Variants in UGT1A7 observed in about 807,000 individuals in gnomAD.
UGT1A7 encodes UDP-glucuronosyltransferase 1A7.
In UGT1A7, 33 loss-of-function variants were observed where a neutral mutation model predicts 45.6. That is an observed-to-expected ratio of 0.72 (90% CI 0.55 to 0.97). The LOEUF (loss-of-function observed/expected upper bound fraction) is 0.97. Ranked by LOEUF, UGT1A7 falls within the 50% of genes least tolerant of loss-of-function variation. The pLI, the probability that UGT1A7 is intolerant of heterozygous loss-of-function variation, is 0.00. For synonymous variants in UGT1A7, 274 were observed against 250.6 expected, an observed-to-expected ratio of 1.09 and a Z score of -0.88; for missense variants, 684 against 666.2, an observed-to-expected ratio of 1.03 and a Z score of -0.29.
At chr2:233,682,872 C>G (rs1348712274) in intron 1 of UGT1A7, 80 bp downstream of exon 1, 5 of 1,521,250 alleles carry the variant, frequency 3.3e-6, no homozygotes, top group Non-Finnish European at 4.4e-6. Flanking sequence ...CATAATTTAT[C>G]ATTTACATTT....
At chr2:233,719,251 C>A in intron 1 of UGT1A7, 1 of 1,614,174 alleles carries the variant, frequency 6.2e-7, no homozygotes, top group Non-Finnish European at 8.5e-7. Flanking sequence ...CTGAATGCTA[C>A]TTCCTTTGAT....
intron 1 of UGT1A7, among the ~76,000 whole-genome samples, chr2:233,733,322 C>A (rs1174900134): frequency 6.6e-6 from 1 of 152,146 alleles, no homozygotes; most frequent in African/African-American, 2.4e-5. Context: ...CCTGATTGCC[C>A]TGGCCAGAAC....
chr2:233,745,312 T>A (rs1693068284), intron 1 of UGT1A7, among the ~76,000 whole-genome samples: 1 of 151,876 alleles, frequency 6.6e-6, no homozygotes, highest in South Asian at 2.1e-4. Flanking sequence ...AGTGATTATT[T>A]CCACTAGAAC....
chr2:233,714,409 CTG>C (rs2076385433), intron 1 of UGT1A7, among the ~76,000 whole-genome samples: 1 of 152,130 alleles, frequency 6.6e-6, no homozygotes, highest in Non-Finnish European at 1.5e-5. Context: ...CAATGGATGT[CTG>C]TGATCAGAGA....
At chr2:233,752,366 A>C (rs1575711623) in intron 1 of UGT1A7, 1 of 152,202 alleles carries the variant, frequency 6.6e-6, no homozygotes, top group Non-Finnish European at 1.5e-5. Context: ...TAGGGGTCTC[A>C]AGAGGGTCAT....
At chr2:233,704,215 T>C (rs946162236) in intron 1 of UGT1A7, among the ~76,000 whole-genome samples, 1 of 151,050 alleles carries the variant, frequency 6.6e-6, no homozygotes, top group African/African-American at 2.4e-5. Flanking sequence ...ATGCTCTATA[T>C]CTCTCATGTA....
intron 1 of UGT1A7, among the ~76,000 whole-genome samples, chr2:233,735,380 C>T (rs2078647090): frequency 1.3e-5 from 2 of 152,070 alleles, no homozygotes; most frequent in Middle Eastern, 3.2e-3. Context: ...TTCCTCCATC[C>T]CTTTATTTTG....
At chr2:233,758,038 C>G (rs1696781117) in intron 1 of UGT1A7, among the ~76,000 whole-genome samples, 1 of 152,188 alleles carries the variant, frequency 6.6e-6, no homozygotes, top group Admixed American at 6.5e-5. Flanking sequence ...CCCCTCCTTT[C>G]AGGCAAGGAC....
rs34757826 is a variant in UGT1A7, at chr2:233,757,460, G to C, written c.856-9574G>C. 9.5e-3 allele frequency among the ~76,000 whole-genome samples: 1,419 copies of C among 149,430 alleles called. 20 individuals carry two copies. The highest frequency in any genetic ancestry group is 0.033 in the African/African-American group (1,351 of 40,382). On this transcript the variant is annotated intron_variant, in intron 1 of 4. Coordinates refer to ENST00000373426, the MANE Select transcript of UGT1A7 (RefSeq NM_019077.3). ...TTCTATACAGAAACATGTCCAGAGC[G>C]CTTACTGTCTCCAAAACCATGGACT... is the stretch of plus-strand genomic sequence containing the variant.
In UGT1A7 at chr2:233,756,630, T is replaced by C. The variant is rs563087338; in HGVS notation, c.856-10404T>C. On this transcript the variant is annotated intron_variant, in intron 1 of 4. Transcript: ENST00000373426. ...CATTAAGACTTGCAGGCCGTGTGTA[T>C]AGCACTGGGGATAAACATGGGATGC... Among the ~76,000 whole-genome samples the C allele has an allele frequency of 2.1e-3, 314 of 152,296 alleles. 12 individuals carry two copies. In the South Asian group the frequency reaches 0.063, roughly 31 times the overall value.
At chr2:233,759,139 A>C (rs1697067620) in intron 1 of UGT1A7, among the ~76,000 whole-genome samples, 1 of 152,242 alleles carries the variant, frequency 6.6e-6, no homozygotes, top group Non-Finnish European at 1.5e-5. Flanking sequence ...TACGCAATGA[A>C]GGTGAGTTCC....
At chr2:233,749,891 C>G (rs769638729) in intron 1 of UGT1A7, among the ~76,000 whole-genome samples, 2 of 151,948 alleles carry the variant, frequency 1.3e-5, no homozygotes, top group African/African-American at 4.9e-5. Context: ...CTGAGGCTCC[C>G]CCCTCCAGCC....
intron 1 of UGT1A7, among the ~76,000 whole-genome samples, chr2:233,739,591 A>G (rs1168913581): frequency 1.3e-5 from 2 of 152,242 alleles, no homozygotes; most frequent in Non-Finnish European, 2.9e-5. Flanking sequence ...CATGGGGCCT[A>G]TAGCCCCTTT....
chr2:233,713,488 C>T (rs758374226), intron 1 of UGT1A7: 11 of 1,613,830 alleles, frequency 6.8e-6, no homozygotes, highest in Admixed American at 5.0e-5. Flanking sequence ...AAGTACCTGT[C>T]GATTCCTGCT....
chr2:233,690,525 A>G (rs1000545540), intron 1 of UGT1A7: 3 of 1,289,480 alleles, frequency 2.3e-6, no homozygotes, highest in Non-Finnish European at 3.0e-6. Flanking sequence ...CTTAGGATCT[A>G]CTTCTTTCAC....
intron 1 of UGT1A7, chr2:233,743,998 C>G (rs1199821485): frequency 8.1e-7 from 1 of 1,233,642 alleles, no homozygotes; most frequent in African/African-American, 1.6e-5. Context: ...CCCGAGTGCT[C>G]GGAGACCTGG....
chr2:233,772,962 G>T lies in UGT1A7; in HGVS notation c.*403G>T, dbSNP rs1038101651. On this transcript the variant is annotated 3_prime_UTR_variant, in exon 5 of 5. Coordinates refer to ENST00000373426, the MANE Select transcript of UGT1A7 (RefSeq NM_019077.3). ...TTGGCTTCTGCAGATGGTTGCAATT[G>T]ATCCTTAACCAATAATGGTCAGTCC... 6.4e-6 allele frequency: 2 copies of T among 313,106 alleles called. No homozygotes were observed. Among genetic ancestry groups the T allele is most frequent in the Middle Eastern group, 1.1e-3 (1 of 878 alleles). 19.4% of individuals were successfully genotyped at this position (313,106 alleles called of 1,614,324 possible). A position where few individuals can be genotyped will look rare whatever the true frequency, so the allele number is the denominator to read the frequency against.
chr2:233,764,438 T>C (rs1160972363), intron 1 of UGT1A7, among the ~76,000 whole-genome samples: 2 of 152,224 alleles, frequency 1.3e-5, no homozygotes, highest in Non-Finnish European at 2.9e-5. Context: ...GATGAACTTT[T>C]GTGCCATTTA....
chr2:233,732,322 T>C (rs1402745036), intron 1 of UGT1A7, among the ~76,000 whole-genome samples: 3 of 152,262 alleles, frequency 2.0e-5, no homozygotes, highest in Non-Finnish European at 4.4e-5. Context: ...ATTTTGGCTT[T>C]TGTTGCCATT....
Sources: allele counts gnomAD v4.1 joint callset (sites outside exome capture counted in the v4.1 genomes callset), GRCh38; gene constraint gnomAD v4.1.1; transcripts MANE v1.5; gene names NCBI Gene and HGNC (gene_info 2026-07-23, HGNC 2026-07-21).